PPP1R10: variants seen among roughly 807,000 people sequenced by gnomAD.
PPP1R10 encodes the protein serine/threonine-protein phosphatase 1 regulatory subunit 10.
A neutral mutation model predicts 99.0 loss-of-function variants in PPP1R10; 15 were observed. The observed-to-expected ratio is 0.15, with a 90% CI of 0.10 to 0.23. The LOEUF (loss-of-function observed/expected upper bound fraction) is 0.23, where lower values mean the gene tolerates loss of function less well. PPP1R10 is among the 10% of genes least tolerant of loss of function. The pLI is 1.00. For missense variants in PPP1R10, 947 were observed against 1,259.4 expected (o/e 0.75, Z 3.75); for synonymous variants, 430 against 449.5 (o/e 0.96, Z 0.55).
chr6:30,602,184 C>T lies in PPP1R10; in HGVS notation c.2465G>A (p.Gly822Glu), dbSNP rs1803395646. 6.2e-7 allele frequency: 1 copy of T among 1,610,918 alleles called. No individual in the cohort carries two copies. The highest frequency in any genetic ancestry group is 8.5e-7 in the Non-Finnish European group (1 of 1,179,152). Residue 822 changes from glycine to glutamate, a missense_variant, in exon 19 of 20, where the codon GGA (glycine) becomes GAA (glutamate). By Grantham distance (98) the Gly-to-Glu change is moderately conservative. Coordinates refer to ENST00000376511, the MANE Select transcript of PPP1R10 (RefSeq NM_002714.4). This position sits in a 1 kb window ranked among gnomAD's most constrained non-coding sequence, Gnocchi z 6.7. ...GHRPHEGPGG[G>E]MGAGGGHRPH... ...GCGATGTCCACCACCGGCACCCATT[C>T]CTCCGCCAGGGCCTTCATGGGGACG...
rs774549851 is a variant in PPP1R10 at position 30,602,236 on chromosome 6, C to T, written c.2413G>A (p.Gly805Ser). The T allele has an allele frequency of 2.6e-5, 42 of 1,611,568 alleles. No homozygotes were observed. The Admixed American group carries it at 3.7e-4, about 14-fold the overall frequency. Residue 805 changes from glycine to serine, a missense_variant, in exon 19 of 20, where the codon GGT (glycine) becomes AGT (serine). Gly to Ser is a moderately conservative substitution (Grantham distance 56, BLOSUM62 0). Transcript: ENST00000376511. The surrounding 1 kb of genome is among the most constrained non-coding windows in gnomAD (Gnocchi z 6.7). Reference protein sequence around the residue: ...GGHRPHEGPGGGISGGSGHRP... With the variant: ...GGHRPHEGPGSGISGGSGHRP... ...TGGCCACTGCCACCACTGATGCCACCGCCAGGGCCTTCGTGGGGACGATGT... is the reference window on the plus strand; with the variant it reads ...TGGCCACTGCCACCACTGATGCCACTGCCAGGGCCTTCGTGGGGACGATGT...
At chr6:30,608,666 T>C (rs1296393033) in intron 5 of PPP1R10, 113 bp downstream of exon 5, 28 of 1,293,536 alleles carry the variant, frequency 2.2e-5, no homozygotes, top group South Asian at 4.3e-5. Flanking sequence ...CTATTTTTTT[T>C]CTGCTGTTCT....
In PPP1R10 at chr6:30,601,526, T is replaced by A; in HGVS notation, c.*23A>T. 6.2e-7 allele frequency: 1 copy of A among 1,600,718 alleles called. No homozygotes were observed. Among genetic ancestry groups the A allele is most frequent in the South Asian group, 1.1e-5 (1 of 90,720 alleles). Reference sequence around the variant, plus strand: ...GAGGCTGCAGTCCACAGGGGTTGTGTGAACAGGGCAGGCAAATGGTCCCTA... The same window carrying A: ...GAGGCTGCAGTCCACAGGGGTTGTGAGAACAGGGCAGGCAAATGGTCCCTA... On this transcript the variant is annotated 3_prime_UTR_variant, in exon 20 of 20. Coordinates refer to ENST00000376511, the MANE Select transcript of PPP1R10 (RefSeq NM_002714.4).
chr6:30,617,021 G>A (rs1318636073), intron 1 of PPP1R10, 23 bp from the exon 2 acceptor site: 5 of 152,182 alleles, frequency 3.3e-5, no homozygotes, highest in African/African-American at 1.2e-4. Flanking sequence ...GAACACAAGG[G>A]AGAAAGATGT....
Position 30,601,994 on chromosome 6 carries a change from A to G in PPP1R10, c.2655T>C (p.Gly885=). The change falls in exon 19 of 20, where the codon GGT becomes GGC. Residue 885 remains glycine (G), a synonymous_variant. Transcript: ENST00000376511. ...PPPHEHRGHD[G]PGHGGGGHRG... ...GGTGGCCCCCTCCCCCGTGGCCAGG[A>G]CCATCATGGCCACGGTGCTCATGAG... 2 of 1,517,162 alleles carry G rather than the reference A, an allele frequency of 1.3e-6. No homozygotes were observed. Among genetic ancestry groups the G allele is most frequent in the Admixed American group, 2.2e-5 (1 of 45,332 alleles). 94.0% of individuals were successfully genotyped at this position (1,517,162 alleles called of 1,614,324 possible). A position where few individuals can be genotyped will look rare whatever the true frequency, so the allele number is the denominator to read the frequency against.
intron 6 of PPP1R10, 114 bp downstream of exon 6, chr6:30,607,726 G>A: frequency 1.7e-6 from 2 of 1,158,178 alleles, no homozygotes; most frequent in East Asian, 2.4e-5. Context: ...AAAAAAGCAA[G>A]GTGAGGTAGA....
In PPP1R10 at chr6:30,602,643, G is replaced by A. The variant is rs1347256038; in HGVS notation, c.2006C>T (p.Pro669Leu). The A allele has an allele frequency of 2.5e-6, 4 of 1,593,300 alleles. No homozygotes were observed. The highest frequency in any genetic ancestry group is 3.4e-6 in the Non-Finnish European group (4 of 1,172,620). ...GGPVGPRLLG[P>L]PPPPRGGDPF... ...ATCACCTCCCCGGGGAGGGGGTGGA[G>A]GACCCAGAAGACGTGGACCCACTGG... The change falls in exon 19 of 20, where the codon CCT (proline) becomes CTT (leucine). Residue 669 changes from proline (P) to leucine (L), a missense_variant. Around this residue, in one of 10 missense-constraint regions of PPP1R10, gnomAD observed 525 missense variants for 578.8 expected, o/e 0.91. Coordinates refer to ENST00000376511, the MANE Select transcript of PPP1R10 (RefSeq NM_002714.4). The surrounding 1 kb of genome is among the most constrained non-coding windows in gnomAD (Gnocchi z 6.7).
Position 30,609,226 on chromosome 6 carries a change from C to A in PPP1R10, c.108-63G>T. 1.3e-6 allele frequency: 2 copies of A among 1,521,972 alleles called. No homozygotes were observed. The highest frequency in any genetic ancestry group is 9.1e-7 in the Non-Finnish European group (1 of 1,100,040). 94.3% of individuals were successfully genotyped at this position (1,521,972 alleles called of 1,614,324 possible). On this transcript the variant is annotated intron_variant, in intron 3 of 19. Coordinates refer to ENST00000376511, the MANE Select transcript of PPP1R10 (RefSeq NM_002714.4). This position sits in a 1 kb window ranked among gnomAD's most constrained non-coding sequence, Gnocchi z 4.5. ...AGTATCTCTTCTCTTAGCAAAAGCG[C>A]CTCTCTGTGAACTGCCTAGAGATTC...
intron 2 of PPP1R10, among the ~76,000 whole-genome samples, chr6:30,615,860 A>G (rs1023349487): frequency 6.6e-6 from 1 of 152,196 alleles, no homozygotes; most frequent in African/African-American, 2.4e-5. Context: ...CTTTATTCCT[A>G]GATTGCCACC....
At position 30,616,718 on chromosome 6, in the gene PPP1R10, T is replaced by C. The variant is rs1344078011; in HGVS notation, c.-252A>G. 1 of 152,104 alleles carries C rather than the reference T, an allele frequency of 6.6e-6. No individual in the cohort carries two copies. The highest frequency in any genetic ancestry group is 2.4e-5 in the African/African-American group (1 of 41,408). 9.4% of individuals were successfully genotyped at this position (152,104 alleles called of 1,614,324 possible). ...TGAGTGGATTCAAAAAAGTAAACGC[T>C]GGATGAGTGAATTTGGGTGGTTTGG... On this transcript the variant is annotated 5_prime_UTR_variant, in exon 2 of 20. Transcript: ENST00000376511.
In PPP1R10 at chr6:30,602,685, T is replaced by C. The variant is rs994252353; in HGVS notation, c.1964A>G (p.His655Arg). The C allele has an allele frequency of 1.9e-6, 3 of 1,604,552 alleles. No homozygotes were observed. Among genetic ancestry groups the C allele is most frequent in the Non-Finnish European group, 2.5e-6 (3 of 1,177,162 alleles). ...ACCCACTGGCCCACCAGGGCCTCCATGGGGACCTGTAAGGGGACAAAAAAG... is the reference window on the plus strand; with the variant it reads ...ACCCACTGGCCCACCAGGGCCTCCACGGGGACCTGTAAGGGGACAAAAAAG... ...PGPGGPMPGP[H>R]GGPGGPVGPR... is the part of the protein sequence containing the mutation. The change falls in exon 19 of 20, where the codon CAT becomes CGT. Residue 655 changes from histidine to arginine, a missense_variant. Coordinates refer to ENST00000376511, the MANE Select transcript of PPP1R10 (RefSeq NM_002714.4). The surrounding 1 kb of genome is among the most constrained non-coding windows in gnomAD (Gnocchi z 6.7).
Position 30,604,265 on chromosome 6 carries a change from G to A in PPP1R10, c.1262-11C>T. 1.9e-6 allele frequency: 3 copies of A among 1,613,862 alleles called. No homozygotes were observed. The highest frequency in any genetic ancestry group is 2.2e-5 in the South Asian group (2 of 91,068). On this transcript the variant is annotated splice_polypyrimidine_tract_variant and intron_variant, in intron 13 of 19. Coordinates refer to ENST00000376511, the MANE Select transcript of PPP1R10 (RefSeq NM_002714.4). The surrounding 1 kb of genome is among the most constrained non-coding windows in gnomAD (Gnocchi z 7.3). ...TCTTATTCACATTTACTGTCGGCAGGGGAAGAAAAGCAAGAGGGAAAGTAA... is the reference window on the plus strand; with the variant it reads ...TCTTATTCACATTTACTGTCGGCAGAGGAAGAAAAGCAAGAGGGAAAGTAA...
At position 30,603,805 on chromosome 6, in the gene PPP1R10, G is replaced by A. The variant is rs762190179; in HGVS notation, c.1547C>T (p.Pro516Leu). The change falls in exon 15 of 20, where the codon CCC (proline) becomes CTC (leucine). Residue 516 changes from proline to leucine, a missense_variant. Around this residue, in one of 10 missense-constraint regions of PPP1R10, gnomAD observed 525 missense variants for 578.8 expected, o/e 0.91. Transcript: ENST00000376511. ...CTCATCTAGGGGGATGAGTTTAGGG[G>A]GTATGGGCTCGTAGGGCTCAGGATC... ...EPDPEPYEPI[P>L]PKLIPLDEEC... The A allele has an allele frequency of 3.9e-6, 6 of 1,542,118 alleles. No homozygotes were observed. The highest frequency in any genetic ancestry group is 5.2e-6 in the Non-Finnish European group (6 of 1,146,186).
chr6:30,603,068 G>A (rs1321970078), intron 17 of PPP1R10, 109 bp from the exon 18 acceptor site: 5 of 1,365,574 alleles, frequency 3.7e-6, no homozygotes, highest in Non-Finnish European at 4.1e-6. Flanking sequence ...GCAGAGCAAT[G>A]CTCTCTCTGT....
chr6:30,602,760 A>G lies in PPP1R10; in HGVS notation c.1958-69T>C. ...CTGCCATCTCCCAACCTAAACCACC[A>G]CCTCCCACCTTCCAGTCAATCCTAT... On this transcript the variant is annotated intron_variant, in intron 18 of 19. Coordinates refer to ENST00000376511, the MANE Select transcript of PPP1R10 (RefSeq NM_002714.4). The surrounding 1 kb of genome is among the most constrained non-coding windows in gnomAD (Gnocchi z 6.7). 2 of 1,561,402 alleles carry G rather than the reference A, an allele frequency of 1.3e-6. No homozygotes were observed. Among genetic ancestry groups the G allele is most frequent in the Non-Finnish European group, 1.7e-6 (2 of 1,149,156 alleles).
rs1236496222 is a variant in PPP1R10 at position 30,605,751 on chromosome 6, T to A, written c.853+172A>T. On this transcript the variant is annotated intron_variant, in intron 10 of 19. Coordinates refer to ENST00000376511, the MANE Select transcript of PPP1R10 (RefSeq NM_002714.4). ...GGCGGGCACCAGTAGTCCCAGCTAC[T>A]CGGGAGGCTGAGGCAGGAGAATGGC... The A allele has an allele frequency of 4.5e-6, 3 of 665,066 alleles. No homozygotes were observed. The African/African-American group carries it at 5.5e-5, about 12-fold the overall frequency. 41.2% of individuals were successfully genotyped at this position (665,066 alleles called of 1,614,324 possible). A position where few individuals can be genotyped will look rare whatever the true frequency, so the allele number is the denominator to read the frequency against.
intron 2 of PPP1R10, chr6:30,614,736 C>G (rs1387940341): frequency 1.3e-5 from 2 of 152,124 alleles, no homozygotes; most frequent in Non-Finnish European, 2.9e-5. Flanking sequence ...ATCCTCAAAG[C>G]TTCCCAGTCT....
rs1554131046 is a variant in PPP1R10, at chr6:30,608,735, C to T, written c.330+44G>A. On this transcript the variant is annotated intron_variant, in intron 5 of 19. Coordinates refer to ENST00000376511, the MANE Select transcript of PPP1R10 (RefSeq NM_002714.4). ...CAGTTTGAGTTTTTCATCCATTAGACTAAACCAAAAAAGGAAGAATCAGGG... is the reference window on the plus strand; with the variant it reads ...CAGTTTGAGTTTTTCATCCATTAGATTAAACCAAAAAAGGAAGAATCAGGG... 8.8e-6 allele frequency: 14 copies of T among 1,599,772 alleles called. No homozygotes were observed. The East Asian group carries it at 3.1e-4, about 36-fold the overall frequency.
chr6:30,615,310 T>A (rs913435747), intron 2 of PPP1R10, among the ~76,000 whole-genome samples: 1 of 151,516 alleles, frequency 6.6e-6, no homozygotes, highest in African/African-American at 2.4e-5. Flanking sequence ...AAGAGCGTAG[T>A]GAAAATTAAA....
Sources: gnomAD v4.1 joint callset for allele counts (sites outside exome capture counted in the v4.1 genomes callset) on GRCh38, gnomAD v4.1.1 for gene constraint, gnomAD v4.1.1 regional missense constraint, Gnocchi (gnomAD v3.1) non-coding constraint, MANE v1.5 for transcripts, NCBI Gene and HGNC (gene_info 2026-07-23, HGNC 2026-07-21) for gene names.